The following FOXP2 variants were observed in gnomAD, a reference collection of about 807,000 sequenced individuals.
FOXP2 encodes the protein forkhead box protein P2.
FOXP2 carries 12 observed loss-of-function variants against 115.8 expected under a neutral mutation model. That is an observed-to-expected ratio of 0.10 (90% CI 0.07 to 0.17). FOXP2 has a LOEUF of 0.17. Among genes scored for constraint, FOXP2 ranks in the 10% least tolerant of loss-of-function variants. The pLI is 1.00. For synonymous variants in FOXP2, 328 were observed against 297.7 expected (o/e 1.10, Z -1.05); for missense variants, 629 against 843.5 (o/e 0.75, Z 3.15).
chr7:114,648,125 G>C (rs973019873), intron 8 of FOXP2, among the ~76,000 whole-genome samples: 6 of 151,982 alleles, frequency 3.9e-5, no homozygotes, highest in African/African-American at 1.4e-4. Context: ...TTTCATTGCA[G>C]CTGACTACTC....
At chr7:114,541,050 G>A (rs1333531707) in intron 3 of FOXP2, among the ~76,000 whole-genome samples, 1 of 151,972 alleles carries the variant, frequency 6.6e-6, no homozygotes, top group Non-Finnish European at 1.5e-5. Flanking sequence ...TTCAGGGAAG[G>A]GAATTCTGAG....
intron 2 of FOXP2, among the ~76,000 whole-genome samples, chr7:114,370,736 T>C (rs1476967967): frequency 6.6e-6 from 1 of 152,234 alleles, no homozygotes; most frequent in African/African-American, 2.4e-5. Context: ...TCTTTGTCAA[T>C]AACAATGCTA....
At chr7:114,656,586 T>A (rs1310489893) in intron 10 of FOXP2, 1 of 413,850 alleles carries the variant, frequency 2.4e-6, no homozygotes, top group African/African-American at 2.1e-5. Context: ...TATCTCAGCT[T>A]TCATTTATGT....
At chr7:114,395,414 A>T (rs1377283537) in intron 2 of FOXP2, among the ~76,000 whole-genome samples, 1 of 152,120 alleles carries the variant, frequency 6.6e-6, no homozygotes, top group Non-Finnish European at 1.5e-5. Flanking sequence ...AGGTTTGGGA[A>T]GTATTGAAGT....
rs563182173 is a variant in FOXP2, at chr7:114,580,056, T to G, written c.258+45350T>G. Among the ~76,000 whole-genome samples the G allele has an allele frequency of 1.1e-4, 16 of 152,338 alleles. No homozygotes were observed. In the Middle Eastern group the frequency reaches 0.017, roughly 162 times the overall value. ...TAGGCTAATGCCAGAATTTGAAGTT[T>G]TAAGTGCCTTTTTAAAAGGACCTTA... is the stretch of plus-strand genomic sequence containing the variant. On this transcript the variant is annotated intron_variant, in intron 3 of 16. Transcript: ENST00000350908.
chr7:114,602,244 C>A (rs1484901718), intron 3 of FOXP2, among the ~76,000 whole-genome samples: 1 of 151,804 alleles, frequency 6.6e-6, no homozygotes, highest in Non-Finnish European at 1.5e-5. Context: ...ATCCTTAATT[C>A]TAATAATTTT....
intron 1 of FOXP2, among the ~76,000 whole-genome samples, chr7:114,286,115 C>G (rs1469659433): frequency 6.6e-6 from 1 of 151,636 alleles, no homozygotes; most frequent in Non-Finnish European, 1.5e-5. Flanking sequence ...ACTTTCTGCC[C>G]GATTCTTAGA....
chr7:114,656,577 A>G (rs778277593), intron 10 of FOXP2: 2 of 417,924 alleles, frequency 4.8e-6, no homozygotes, highest in Non-Finnish European at 9.5e-6. Context: ...TAGGAGCATT[A>G]TCTCAGCTTT....
chr7:114,399,741 C>T (rs1023854917), intron 2 of FOXP2, among the ~76,000 whole-genome samples: 3 of 151,656 alleles, frequency 2.0e-5, no homozygotes, highest in Non-Finnish European at 2.9e-5. Context: ...ATAAATAATA[C>T]TGTGTGTTAA....
intron 6 of FOXP2, among the ~76,000 whole-genome samples, chr7:114,635,236 A>T (rs1805153354): frequency 6.6e-6 from 1 of 152,214 alleles, no homozygotes; most frequent in Non-Finnish European, 1.5e-5. Flanking sequence ...TTCTATGCTT[A>T]TGGAAGTCTA....
At chr7:114,496,159 T>C (rs1797312178) in intron 2 of FOXP2, among the ~76,000 whole-genome samples, 1 of 152,176 alleles carries the variant, frequency 6.6e-6, no homozygotes, top group African/African-American at 2.4e-5. Context: ...CTAGTATGAC[T>C]GTGTCCTTAT....
intron 2 of FOXP2, among the ~76,000 whole-genome samples, chr7:114,481,761 A>AGT (rs1796548244): frequency 7.7e-6 from 1 of 129,812 alleles, no homozygotes; most frequent in Non-Finnish European, 1.7e-5. Flanking sequence ...TCATATGGAA[A>AGT]CTCTATCTAT....
intron 1 of FOXP2, among the ~76,000 whole-genome samples, chr7:114,248,873 T>C (rs975781902): frequency 7.9e-5 from 12 of 152,192 alleles, no homozygotes; most frequent in Non-Finnish European, 1.5e-4. Context: ...AAATTTACAA[T>C]GAGTAAACTG....
chr7:114,112,960 C>T (rs1791310213), intron 1 of FOXP2, among the ~76,000 whole-genome samples: 1 of 152,058 alleles, frequency 6.6e-6, no homozygotes. Flanking sequence ...GGAAACAGTA[C>T]AAAAAATTCA....
chr7:114,361,911 C>T (rs1379443504), intron 2 of FOXP2, among the ~76,000 whole-genome samples: 2 of 151,894 alleles, frequency 1.3e-5, no homozygotes, highest in Non-Finnish European at 2.9e-5. Flanking sequence ...ACTTCTGGGT[C>T]ATTAATTATT....
intron 1 of FOXP2, among the ~76,000 whole-genome samples, chr7:114,188,491 G>A (rs1266275746): frequency 6.6e-6 from 1 of 152,118 alleles, no homozygotes; most frequent in African/African-American, 2.4e-5. Context: ...ATGAGCTTTT[G>A]CTGACCACCC....
chr7:114,235,619 T>C (rs1157841468), intron 1 of FOXP2, among the ~76,000 whole-genome samples: 2 of 152,200 alleles, frequency 1.3e-5, no homozygotes, highest in Non-Finnish European at 2.9e-5. Context: ...TTGAAGATAA[T>C]TTCCTTCCTT....
chr7:114,588,299 C>G (rs528622349), intron 3 of FOXP2, among the ~76,000 whole-genome samples: 30 of 151,978 alleles, frequency 2.0e-4, no homozygotes, highest in African/African-American at 7.0e-4. Context: ...AGATGAGACT[C>G]TGTCTCAAAA....
chr7:114,158,302 A>G (rs1165425412), upstream of FOXP2, among the ~76,000 whole-genome samples: 1 of 152,124 alleles, frequency 6.6e-6, no homozygotes, highest in Admixed American at 6.6e-5. Flanking sequence ...CCTCGTGTTA[A>G]AAAAGAAGGG....
Sources: gnomAD v4.1 joint callset for allele counts (sites outside exome capture counted in the v4.1 genomes callset) on GRCh38, gnomAD v4.1.1 for gene constraint, MANE v1.5 for transcripts, NCBI Gene and HGNC (gene_info 2026-07-23, HGNC 2026-07-21) for gene names.